The following KIF7 variants were observed in gnomAD, a reference collection of about 807,000 sequenced individuals.
KIF7 encodes kinesin-like protein KIF7.
KIF7 carries 104 observed loss-of-function variants against 135.7 expected under a neutral mutation model. The observed-to-expected ratio is 0.77, with a 90% confidence interval of 0.65 to 0.90. KIF7 has a LOEUF of 0.90. KIF7 is among the 40% of genes least tolerant of loss of function. KIF7 has a pLI of 0.00. For synonymous variants in KIF7, 883 were observed against 809.4 expected, an observed-to-expected ratio of 1.09 and a Z score of -1.54; for missense variants, 2,005 against 1,839.1, an observed-to-expected ratio of 1.09 and a Z score of -1.65.
intron 12 of KIF7, 73 bp from the exon 13 acceptor site, chr15:89,633,339 A>C (rs1596068392): frequency 1.3e-6 from 2 of 1,529,744 alleles, no homozygotes. Flanking sequence ...CCGATCCCAA[A>C]GCCCCCAGGA....
intron 2 of KIF7, 98 bp downstream of exon 2, chr15:89,652,505 A>G (rs919533208): frequency 2.1e-5 from 20 of 958,550 alleles, no homozygotes; most frequent in Non-Finnish European, 3.1e-5. Flanking sequence ...CAGCATCCCC[A>G]CCTTCCACAG....
Position 89,629,562 on chromosome 15 carries a change from G to C in KIF7, c.3330C>G (p.Leu1110=). 6.2e-7 allele frequency: 1 copy of C among 1,606,444 alleles called. No individual in the cohort carries two copies. Among genetic ancestry groups the C allele is most frequent in the Non-Finnish European group, 8.5e-7 (1 of 1,179,988 alleles). ...TCTGCTGCTGGTGCTGCTCCTCTCGGAGCGTCACCACCTGTCCCAAGACCC... is the reference window on the plus strand; with the variant it reads ...TCTGCTGCTGGTGCTGCTCCTCTCGCAGCGTCACCACCTGTCCCAAGACCC... The part of the protein sequence containing the change: ...LCKYFDKVVT[L]REEQHQQQIA... The change falls in exon 17 of 19, where the codon CTC becomes CTG. Residue 1110 remains leucine, a synonymous_variant. Transcript: ENST00000394412.
downstream of KIF7, chr15:89,625,268 C>G: frequency 2.5e-6 from 4 of 1,613,706 alleles, no homozygotes; most frequent in Non-Finnish European, 3.4e-6. Flanking sequence ...ACCCACGGCC[C>G]TTCTAGTACC....
At chr15:89,629,904 TG>T in intron 16 of KIF7, 1 of 517,848 alleles carries the variant, frequency 1.9e-6, no homozygotes, top group Non-Finnish European at 3.5e-6. Flanking sequence ...AATTCTTGGT[TG>T]TGGGGGCCTG....
Position 89,649,865 on chromosome 15 carries a change from G to T in KIF7, c.405C>A (p.Asp135Glu), listed in dbSNP as rs886051543. The T allele has an allele frequency of 6.4e-7, 1 of 1,551,810 alleles. No homozygotes were observed. Among genetic ancestry groups the T allele is most frequent in the East Asian group, 2.4e-5 (1 of 40,928 alleles). The part of the protein sequence containing the change: ...AEAFKLIDEN[D>E]LLDCLVHVSY... The stretch of plus-strand genomic sequence containing the variant: ...ACACATGTACCAGACAGTCAAGCAG[G>T]TCGTTCTCATCGATGAGCTTGAAGG... The change falls in exon 3 of 19, where the codon GAC becomes GAA. Residue 135 changes from aspartate to glutamate, a missense_variant. Physicochemically the swap from Asp to Glu is conservative, Grantham distance 45. Coordinates refer to ENST00000394412, the MANE Select transcript of KIF7 (RefSeq NM_198525.3).
intron 11 of KIF7, among the ~76,000 whole-genome samples, chr15:89,635,068 C>T (rs533022104): frequency 6.6e-6 from 1 of 152,190 alleles, no homozygotes; most frequent in East Asian, 1.9e-4. Flanking sequence ...CAGGGGCAGA[C>T]TGACACCTCA....
At position 89,649,720 on chromosome 15, in the gene KIF7, GAGGA is replaced by G; in HGVS notation, c.529+17_529+20del. 6.4e-7 allele frequency: 1 copy of G among 1,550,508 alleles called. No individual in the cohort carries two copies. The highest frequency in any genetic ancestry group is 1.7e-4 in the Middle Eastern group (1 of 5,990). On this transcript the variant is annotated intron_variant, in intron 3 of 18. Coordinates refer to ENST00000394412, the MANE Select transcript of KIF7 (RefSeq NM_198525.3). ...CCCCCTAAGCCCCTCTCCGTCAGTG[GAGGA>G]CCCCAGAGTTCCTCACCAACATTCC...
chr15:89,650,080 G>A (rs1344899747), intron 2 of KIF7, 139 bp from the exon 3 acceptor site: 1 of 865,110 alleles, frequency 1.2e-6, no homozygotes, highest in Admixed American at 2.1e-5. Context: ...GGCCAGGATG[G>A]GACAGGTGGC....
In KIF7 at chr15:89,642,263, G is replaced by A. The variant is rs544281626; in HGVS notation, c.2334C>T (p.Gly778=). ...GGAACTCCTGGAGCCGAGACCGCTC[G>A]CCAGCATCCTGGAGCTCCTTGCCCT... ...ELEGKELQDA[G]ERSRLQEFRR... Residue 778 remains glycine (G), a synonymous_variant, in exon 11 of 19, where the codon GGC becomes GGT. Coordinates refer to ENST00000394412, the MANE Select transcript of KIF7 (RefSeq NM_198525.3). 25 of 1,610,172 alleles carry A rather than the reference G, an allele frequency of 1.6e-5. No homozygotes were observed. Among genetic ancestry groups the A allele is most frequent in the East Asian group, 6.7e-5 (3 of 44,856 alleles).
In KIF7 at chr15:89,629,109, T is replaced by G. The variant is rs753565474; in HGVS notation, c.3531A>C (p.Glu1177Asp). 1 of 1,611,830 alleles carries G rather than the reference T, an allele frequency of 6.2e-7. No homozygotes were observed. The highest frequency in any genetic ancestry group is 8.5e-7 in the Non-Finnish European group (1 of 1,179,512). ...ACTGCCTCCTGCTGTCTGCTAACCCTTCACCGAGGTGGTCTAGAGTGGAAA... is the reference window on the plus strand; with the variant it reads ...ACTGCCTCCTGCTGTCTGCTAACCCGTCACCGAGGTGGTCTAGAGTGGAAA... ...LLQQSRDHLGEGLADSRRQYE... is the reference protein window; with the variant it reads ...LLQQSRDHLGDGLADSRRQYE... Residue 1177 changes from glutamate (E) to aspartate (D), a missense_variant, in exon 18 of 19, where the codon GAA (glutamate) becomes GAC (aspartate). Glu to Asp is a conservative substitution (Grantham distance 45). Transcript: ENST00000394412.
rs1567056640 is a variant in KIF7, at chr15:89,628,679, C to T, written c.3772G>A (p.Ala1258Thr). ...LLWLSPLTEG[A>T]PRTREETRDL... ...CGCGTCTCCTCCCGGGTGCGGGGGGCCCCCTCAGTGAGGGGGGACAGCCAG... is the reference window on the plus strand; with the variant it reads ...CGCGTCTCCTCCCGGGTGCGGGGGGTCCCCTCAGTGAGGGGGGACAGCCAG... Residue 1258 changes from alanine to threonine, a missense_variant, in exon 19 of 19, where the codon GCC (alanine) becomes ACC (threonine). Physicochemically the swap from Ala to Thr is moderately conservative, Grantham distance 58 (BLOSUM62 0). Coordinates refer to ENST00000394412, the MANE Select transcript of KIF7 (RefSeq NM_198525.3). 2.5e-6 allele frequency: 4 copies of T among 1,612,826 alleles called. No homozygotes were observed. The highest frequency in any genetic ancestry group is 3.4e-6 in the Non-Finnish European group (4 of 1,179,818).
chr15:89,617,699 T>A (rs1349640575), intron 2 of KIF7, among the ~76,000 whole-genome samples: 1 of 148,622 alleles, frequency 6.7e-6, no homozygotes, highest in Non-Finnish European at 1.5e-5. Context: ...CTTTTTTTTT[T>A]TTTTTTTTTT....
At chr15:89,624,960 C>T (rs148263440), downstream of KIF7, 550 of 1,614,104 alleles carry the variant, frequency 3.4e-4, 5 homozygotes, top group Middle Eastern at 0.013. Flanking sequence ...CTTGGCATTC[C>T]ACAGACTCTG....
chr15:89,648,908 C>G, intron 4 of KIF7, 66 bp downstream of exon 4: 3 of 1,468,818 alleles, frequency 2.0e-6, no homozygotes, highest in Non-Finnish European at 9.0e-7. Flanking sequence ...TCCACCCCCA[C>G]TGGTGTGCTG....
At chr15:89,651,083 C>G (rs1188306835) in intron 2 of KIF7, among the ~76,000 whole-genome samples, 1 of 152,054 alleles carries the variant, frequency 6.6e-6, no homozygotes, top group African/African-American at 2.4e-5. Flanking sequence ...AGACCCCCAC[C>G]ACCATGCTTG....
chr15:89,650,290 A>G (rs1400505248), intron 2 of KIF7, among the ~76,000 whole-genome samples: 1 of 152,244 alleles, frequency 6.6e-6, no homozygotes, highest in Admixed American at 6.5e-5. Context: ...ATTTATCCCA[A>G]GGAAATAATC....
At chr15:89,658,592 G>A (rs906686357), upstream of KIF7, among the ~76,000 whole-genome samples, 13 of 152,174 alleles carry the variant, frequency 8.5e-5, no homozygotes, top group African/African-American at 2.4e-4. Flanking sequence ...GCCAGGCGCA[G>A]TGGCACATGC....
At position 89,633,316 on chromosome 15, in the gene KIF7, C is replaced by T. The variant is rs1275275620; in HGVS notation, c.2593-50G>A. 3.9e-6 allele frequency: 6 copies of T among 1,536,482 alleles called. No individual in the cohort carries two copies. In the Admixed American group the frequency reaches 5.9e-5, roughly 15 times the overall value. ...GGCTGTTTATGGTGCCAGCATCTTA[C>T]CAGAGCCTGCCACCGATCCCAAAGC... On this transcript the variant is annotated intron_variant, in intron 12 of 18. Transcript: ENST00000394412.
rs765158952 is a variant in KIF7, at chr15:89,642,265, C to T, written c.2332G>A (p.Gly778Ser). 1 of 1,610,404 alleles carries T rather than the reference C, an allele frequency of 6.2e-7. No homozygotes were observed. The highest frequency in any genetic ancestry group is 1.3e-5 in the African/African-American group (1 of 74,888). ...ELEGKELQDA[G>S]ERSRLQEFRR... The stretch of plus-strand genomic sequence containing the variant: ...AACTCCTGGAGCCGAGACCGCTCGC[C>T]AGCATCCTGGAGCTCCTTGCCCTCG... The change falls in exon 11 of 19, where the codon GGC becomes AGC. Residue 778 changes from glycine to serine, a missense_variant. Physicochemically the swap from Gly to Ser is moderately conservative, Grantham distance 56. Coordinates refer to ENST00000394412, the MANE Select transcript of KIF7 (RefSeq NM_198525.3).
Sources: allele counts gnomAD v4.1 joint callset (sites outside exome capture counted in the v4.1 genomes callset), GRCh38; gene constraint gnomAD v4.1.1; transcripts MANE v1.5; gene names NCBI Gene and HGNC (gene_info 2026-07-23, HGNC 2026-07-21).